Variants in CHRM3 observed in about 807,000 individuals in gnomAD.
CHRM3 encodes cholinergic receptor muscarinic 3.
A neutral mutation model predicts 41.8 loss-of-function variants in CHRM3; 11 were observed. The ratio of observed to expected loss-of-function variants is 0.26; its 90% CI spans 0.17 to 0.44. The LOEUF (loss-of-function observed/expected upper bound fraction) is 0.44, where lower values mean the gene tolerates loss of function less well. CHRM3 is among the 20% of genes least tolerant of loss of function. The pLI, the probability that CHRM3 is intolerant of heterozygous loss-of-function variation, is 1.00. For missense variants in CHRM3, 571 were observed against 745.4 expected (o/e 0.77, Z 2.72); for synonymous variants, 297 against 301.4 (o/e 0.99, Z 0.15).
intron 4 of CHRM3, among the ~76,000 whole-genome samples, chr1:239,675,599 A>G (rs1020486986): frequency 6.6e-6 from 1 of 152,210 alleles, no homozygotes; most frequent in African/African-American, 2.4e-5. Flanking sequence ...TTTGTAGCAG[A>G]AACTGTCTTT....
intron 6 of CHRM3, among the ~76,000 whole-genome samples, chr1:239,846,841 AT>A (rs1674307350): frequency 6.6e-6 from 1 of 152,214 alleles, no homozygotes; most frequent in Non-Finnish European, 1.5e-5. Flanking sequence ...GCATAGAGTA[AT>A]GCTTAAAAGA....
intron 5 of CHRM3, among the ~76,000 whole-genome samples, chr1:239,791,784 C>T (rs1669372214): frequency 6.6e-6 from 1 of 152,138 alleles, no homozygotes; most frequent in African/African-American, 2.4e-5. Flanking sequence ...GGAAGCAGAT[C>T]CTCAACGAGT....
intron 3 of CHRM3, among the ~76,000 whole-genome samples, chr1:239,553,037 C>T (rs1216839403): frequency 6.6e-6 from 1 of 152,026 alleles, no homozygotes; most frequent in Non-Finnish European, 1.5e-5. Context: ...TCTCAATCGT[C>T]GCAAGTCTGC....
chr1:239,620,335 C>T (rs530114369), intron 3 of CHRM3, among the ~76,000 whole-genome samples: 11 of 152,162 alleles, frequency 7.2e-5, no homozygotes, highest in African/African-American at 2.4e-4. Flanking sequence ...GTTTTCAGTC[C>T]GCCTTTGGTG....
At chr1:239,673,108 A>G (rs1674540128) in intron 4 of CHRM3, among the ~76,000 whole-genome samples, 1 of 152,138 alleles carries the variant, frequency 6.6e-6, no homozygotes, top group African/African-American at 2.4e-5. Context: ...CAGAAGACAG[A>G]ATGGCTTCCC....
chr1:239,767,874 A>G (rs61836670), intron 5 of CHRM3, among the ~76,000 whole-genome samples: 1,840 of 152,116 alleles, frequency 0.012, 21 homozygotes, highest in South Asian at 0.029. Flanking sequence ...TGTGTGAATC[A>G]CCTGGGTATC....
intron 5 of CHRM3, among the ~76,000 whole-genome samples, chr1:239,694,200 CT>C (rs2148016707): frequency 6.6e-6 from 1 of 152,304 alleles, no homozygotes; most frequent in African/African-American, 2.4e-5. Context: ...ACCTCTCGAA[CT>C]TGTTTTATTC....
chr1:239,890,091 C>A (rs776192631), intron 6 of CHRM3, among the ~76,000 whole-genome samples: 1 of 151,966 alleles, frequency 6.6e-6, no homozygotes, highest in African/African-American at 2.4e-5. Context: ...AAGGAGAGGT[C>A]GGGAGTTTGA....
intron 5 of CHRM3, among the ~76,000 whole-genome samples, chr1:239,794,793 C>A (rs904428350): frequency 6.6e-6 from 1 of 152,152 alleles, no homozygotes; most frequent in African/African-American, 2.4e-5. Flanking sequence ...ATTGATATAT[C>A]TCCATCCAAC....
chr1:239,476,737 A>C (rs965888891), intron 1 of CHRM3, among the ~76,000 whole-genome samples: 8 of 152,198 alleles, frequency 5.3e-5, no homozygotes, highest in Non-Finnish European at 1.0e-4. Flanking sequence ...CCTCTATCTA[A>C]AAGTTACTTT....
intron 6 of CHRM3, among the ~76,000 whole-genome samples, chr1:239,858,398 C>T (rs907439496): frequency 2.0e-5 from 3 of 151,768 alleles, no homozygotes; most frequent in Admixed American, 6.6e-5. Flanking sequence ...ATGTAAGTAT[C>T]GTAGTTGGAG....
chr1:239,745,007 G>A (rs991125470), intron 5 of CHRM3, among the ~76,000 whole-genome samples: 3 of 152,128 alleles, frequency 2.0e-5, no homozygotes, highest in African/African-American at 7.2e-5. Flanking sequence ...GAATGATAAG[G>A]GGACAGGGAG....
At chr1:239,457,647 G>C (rs76616666) in intron 1 of CHRM3, among the ~76,000 whole-genome samples, 5,191 of 152,176 alleles carry the variant, frequency 0.034, 98 homozygotes, top group Non-Finnish European at 0.044. Flanking sequence ...AAAAATAAAC[G>C]TTGAGGGCTT....
chr1:239,403,972 A>G (rs1444836187), intron 1 of CHRM3, among the ~76,000 whole-genome samples: 4 of 67,870 alleles, frequency 5.9e-5, no homozygotes, highest in Non-Finnish European at 5.8e-5. Context: ...AGGGAGAGGG[A>G]GGGGGAGAGA....
At chr1:239,544,183 G>GT (rs1325559746) in intron 2 of CHRM3, among the ~76,000 whole-genome samples, 2 of 152,074 alleles carry the variant, frequency 1.3e-5, no homozygotes, top group Non-Finnish European at 2.9e-5. Flanking sequence ...CAAGCTGGCT[G>GT]TTTTTTTGTA....
intron 1 of CHRM3, among the ~76,000 whole-genome samples, chr1:239,488,672 G>A (rs548183058): frequency 3.0e-3 from 346 of 115,792 alleles, no homozygotes; most frequent in Middle Eastern, 0.026. Context: ...CCGAGATCCC[G>A]CCACTGCACT....
chr1:239,448,696 G>A (rs1471609432), intron 1 of CHRM3, among the ~76,000 whole-genome samples: 1 of 152,106 alleles, frequency 6.6e-6, no homozygotes, highest in African/African-American at 2.4e-5. Flanking sequence ...AAATATTGCT[G>A]TAGGCTGTAG....
chr1:239,900,441 G>C (rs918263705), intron 6 of CHRM3, among the ~76,000 whole-genome samples: 1 of 149,234 alleles, frequency 6.7e-6, no homozygotes, highest in African/African-American at 2.5e-5. Context: ...TGTCATCCTG[G>C]GTACCGATAG....
At chr1:239,811,116 G>A (rs150528431) in intron 5 of CHRM3, among the ~76,000 whole-genome samples, 59 of 152,290 alleles carry the variant, frequency 3.9e-4, no homozygotes, top group Admixed American at 6.5e-4. Context: ...TTGTTTTATT[G>A]ATAGAAGCCG....
Sources: gnomAD v4.1 joint callset for allele counts (sites outside exome capture counted in the v4.1 genomes callset) on GRCh38, gnomAD v4.1.1 for gene constraint, MANE v1.5 for transcripts, NCBI Gene and HGNC (gene_info 2026-07-23, HGNC 2026-07-21) for gene names.